Variants in KIFAP3 observed in about 807,000 individuals in gnomAD.
KIFAP3 encodes kinesin-associated protein 3.
A neutral mutation model predicts 106.5 loss-of-function variants in KIFAP3; 68 were observed. That is an observed-to-expected ratio of 0.64 (90% confidence interval 0.53 to 0.78). KIFAP3 has a LOEUF of 0.78. Among genes scored for constraint, KIFAP3 ranks in the 30% least tolerant of loss-of-function variants. The pLI is 0.00. For missense variants in KIFAP3, 780 were observed against 941.8 expected, an observed-to-expected ratio of 0.83 and a Z score of 2.25; for synonymous variants, 320 against 311.5, an observed-to-expected ratio of 1.03 and a Z score of -0.29.
chr1:170,007,721 C>G (rs1377574481), intron 10 of KIFAP3, among the ~76,000 whole-genome samples: 2 of 151,922 alleles, frequency 1.3e-5, no homozygotes, highest in Non-Finnish European at 2.9e-5. Context: ...TCAATGCTAC[C>G]CCATCAAGCT....
In KIFAP3 at chr1:170,035,495, C is replaced by G; in HGVS notation, c.576G>C (p.Glu192Asp). ...VLREDWKQSVELATNIIYIFF... is the reference protein window; with the variant it reads ...VLREDWKQSVDLATNIIYIFF... ...AGATGTAAATTATGTTTGTAGCTAA[C>G]TCGACACTTTGCTTCCAGTCTTCTC... is the stretch of plus-strand genomic sequence containing the variant. Residue 192 changes from glutamate to aspartate, a missense_variant, in exon 6 of 20, where the codon GAG becomes GAC. By Grantham distance (45) the Glu-to-Asp change is conservative. Coordinates refer to ENST00000361580, the MANE Select transcript of KIFAP3 (RefSeq NM_014970.4). 6.2e-7 allele frequency: 1 copy of G among 1,609,906 alleles called. No individual in the cohort carries two copies. Among genetic ancestry groups the G allele is most frequent in the Non-Finnish European group, 8.5e-7 (1 of 1,177,840 alleles).
rs760451992 is a variant in KIFAP3, at chr1:170,024,577, C to T, written c.861G>A (p.Leu287=). 6.4e-7 allele frequency: 1 copy of T among 1,560,526 alleles called. No individual in the cohort carries two copies. The highest frequency in any genetic ancestry group is 8.6e-7 in the Non-Finnish European group (1 of 1,156,586). ...CGGTACGAGTATCCTCAGCAAGATT[C>T]AGAAGCAAATAAAGAGCAACTAGAA... The part of the protein sequence containing the change: ...QLLRVALYLL[L]NLAEDTRTEL... Residue 287 remains leucine (L), a synonymous_variant, in exon 9 of 20, where the codon CTG becomes CTA. Coordinates refer to ENST00000361580, the MANE Select transcript of KIFAP3 (RefSeq NM_014970.4).
Position 170,074,468 on chromosome 1 carries a change from GGCGGCA to G in KIFAP3, c.-7_-2del, listed in dbSNP as rs202015317. On this transcript the variant is annotated 5_prime_UTR_variant, in exon 1 of 20. Coordinates refer to ENST00000361580, the MANE Select transcript of KIFAP3 (RefSeq NM_014970.4). ...GGTATCTGGCGTCCTCCCCTTGCAT[GGCGGCA>G]GCGGCAGCGGCGTGGAGAGGATGGG... is the stretch of plus-strand genomic sequence containing the variant. 26 of 1,613,904 alleles carry G rather than the reference GGCGGCA, an allele frequency of 1.6e-5. No homozygotes were observed. In the East Asian group the frequency reaches 4.0e-4, roughly 25 times the overall value.
At chr1:169,933,481 T>A (rs1663610713) in intron 19 of KIFAP3, among the ~76,000 whole-genome samples, 1 of 152,042 alleles carries the variant, frequency 6.6e-6, no homozygotes. Flanking sequence ...GGTATAAGAC[T>A]ATAGATTATA....
intron 7 of KIFAP3, among the ~76,000 whole-genome samples, chr1:170,033,141 G>C (rs1441577358): frequency 2.6e-5 from 4 of 151,694 alleles, no homozygotes. Flanking sequence ...TATCAATCTA[G>C]ATGCCAGAAG....
intron 4 of KIFAP3, 94 bp from the exon 5 acceptor site, chr1:170,038,525 A>G: frequency 7.9e-7 from 1 of 1,270,084 alleles, no homozygotes; most frequent in African/African-American, 1.5e-5. Context: ...TGGCCTTTAT[A>G]ACAACACACA....
At chr1:170,054,875 T>TA (rs1418965540) in intron 2 of KIFAP3, among the ~76,000 whole-genome samples, 2 of 152,112 alleles carry the variant, frequency 1.3e-5, no homozygotes, top group Non-Finnish European at 2.9e-5. Context: ...GCTTAAAACC[T>TA]AAATGAGGGG....
At chr1:170,055,471 A>G (rs775510942) in intron 1 of KIFAP3, 35 bp from the exon 2 acceptor site, 2 of 1,506,796 alleles carry the variant, frequency 1.3e-6, no homozygotes, top group Non-Finnish European at 1.8e-6. Flanking sequence ...TAACCAGATT[A>G]AAATTCTCAA....
intron 10 of KIFAP3, among the ~76,000 whole-genome samples, chr1:170,016,126 C>T (rs12123686): frequency 0.064 from 9,717 of 152,092 alleles, 389 homozygotes; most frequent in Non-Finnish European, 0.095. Context: ...AGAACTTAAA[C>T]GATACCTGCG....
At chr1:170,062,767 A>C (rs1389567621) in intron 1 of KIFAP3, among the ~76,000 whole-genome samples, 1 of 152,296 alleles carries the variant, frequency 6.6e-6, no homozygotes, top group African/African-American at 2.4e-5. Context: ...TAAATGAAAC[A>C]AAAAATTCAT....
intron 15 of KIFAP3, among the ~76,000 whole-genome samples, chr1:169,979,055 G>C (rs1666373979): frequency 6.6e-6 from 1 of 152,000 alleles, no homozygotes; most frequent in Non-Finnish European, 1.5e-5. Flanking sequence ...GTATTATAAA[G>C]CCTCTGCCTG....
At chr1:169,928,485 G>A (rs983498435) in intron 19 of KIFAP3, among the ~76,000 whole-genome samples, 1 of 151,772 alleles carries the variant, frequency 6.6e-6, no homozygotes, top group Admixed American at 6.6e-5. Flanking sequence ...TGAGGTAGGC[G>A]GGTTGCCTGA....
At chr1:170,044,133 A>G (rs1479818595) in intron 3 of KIFAP3, among the ~76,000 whole-genome samples, 1 of 152,184 alleles carries the variant, frequency 6.6e-6, no homozygotes, top group African/African-American at 2.4e-5. Flanking sequence ...ATAAAATGTA[A>G]GGGTGGATAG....
intron 10 of KIFAP3, among the ~76,000 whole-genome samples, chr1:169,993,590 A>G (rs1275832976): frequency 6.7e-6 from 1 of 148,938 alleles, no homozygotes; most frequent in African/African-American, 2.5e-5. Flanking sequence ...TTTGAGACAG[A>G]AGTATTCAGT....
At chr1:169,929,168 T>A (rs2101777258) in intron 19 of KIFAP3, among the ~76,000 whole-genome samples, 1 of 152,176 alleles carries the variant, frequency 6.6e-6, no homozygotes, top group East Asian at 1.9e-4. Flanking sequence ...ATTATTAAAT[T>A]TAAACTTCTC....
intron 5 of KIFAP3, among the ~76,000 whole-genome samples, chr1:170,037,098 T>C (rs1361569448): frequency 6.6e-6 from 1 of 152,128 alleles, no homozygotes; most frequent in Admixed American, 6.5e-5. Flanking sequence ...ACAGCAATAG[T>C]GTGGTATTGG....
At chr1:170,014,620 G>A (rs186735976) in intron 10 of KIFAP3, among the ~76,000 whole-genome samples, 10 of 152,142 alleles carry the variant, frequency 6.6e-5, no homozygotes, top group African/African-American at 1.7e-4. Context: ...AGTGCTTAGC[G>A]CTGTGCTTTG....
At position 169,956,209 on chromosome 1, in the gene KIFAP3, C is replaced by T. The variant is rs76445840; in HGVS notation, c.2174-2099G>A. ...CGTGGAAAATACACACAAAGATATT[C>T]GGCATGCCAATAAAATAAAAGAATT... is the stretch of plus-strand genomic sequence containing the variant. On this transcript the variant is annotated intron_variant, in intron 18 of 19. Transcript: ENST00000361580. Among the ~76,000 whole-genome samples, 1,039 of 152,038 alleles carry T rather than the reference C, an allele frequency of 6.8e-3. 14 individuals carry two copies. Among genetic ancestry groups the T allele is most frequent in the African/African-American group, 0.023 (975 of 41,498 alleles).
intron 10 of KIFAP3, among the ~76,000 whole-genome samples, chr1:170,015,163 A>G (rs1668442750): frequency 6.6e-6 from 1 of 152,222 alleles, no homozygotes; most frequent in Admixed American, 6.5e-5. Context: ...TCTCTTTTAA[A>G]TCATACATTT....
Sources: gnomAD v4.1 joint callset for allele counts (sites outside exome capture counted in the v4.1 genomes callset) on GRCh38, gnomAD v4.1.1 for gene constraint, MANE v1.5 for transcripts, NCBI Gene and HGNC (gene_info 2026-07-23, HGNC 2026-07-21) for gene names.